ARMH3: variants seen among roughly 807,000 people sequenced by gnomAD.
ARMH3 encodes armadillo-like helical domain-containing protein 3.
A neutral mutation model predicts 99.1 loss-of-function variants in ARMH3; 60 were observed. The observed-to-expected ratio is 0.61, with a 90% CI of 0.49 to 0.75. The LOEUF is 0.75. Ranked by LOEUF, ARMH3 falls within the 30% of genes least tolerant of loss-of-function variation. The pLI is 0.00. For synonymous variants in ARMH3, 285 were observed against 292.8 expected, an observed-to-expected ratio of 0.97 and a Z score of 0.27; for missense variants, 679 against 843.1, an observed-to-expected ratio of 0.81 and a Z score of 2.41.
At chr10:101,925,479 A>G (rs1467596975) in intron 23 of ARMH3, among the ~76,000 whole-genome samples, 1 of 152,266 alleles carries the variant, frequency 6.6e-6, no homozygotes, top group Non-Finnish European at 1.5e-5. Flanking sequence ...GCAGTAGTAC[A>G]CATGTTACTC....
chr10:101,850,041 G>A, intron 24 of ARMH3, 149 bp from the exon 25 acceptor site: 1 of 601,692 alleles, frequency 1.7e-6, no homozygotes, highest in Non-Finnish European at 2.9e-6. Context: ...AAACAGCCTG[G>A]CTACAGGGAG....
At chr10:101,848,724 T>C (rs1267697163) in intron 25 of ARMH3, among the ~76,000 whole-genome samples, 1 of 151,986 alleles carries the variant, frequency 6.6e-6, no homozygotes, top group Non-Finnish European at 1.5e-5. Flanking sequence ...CCGTGGTGAG[T>C]GTCTCAGAGC....
At chr10:102,035,291 G>C (rs927772450) in intron 2 of ARMH3, among the ~76,000 whole-genome samples, 10 of 152,314 alleles carry the variant, frequency 6.6e-5, no homozygotes, top group Middle Eastern at 3.4e-3. Flanking sequence ...CTTGAACCCG[G>C]GAGGTGGAGG....
At chr10:101,982,039 A>AAAAC (rs1846258015) in intron 19 of ARMH3, among the ~76,000 whole-genome samples, 2 of 150,720 alleles carry the variant, frequency 1.3e-5, no homozygotes, top group Non-Finnish European at 3.0e-5. Flanking sequence ...AAAAAAAAAA[A>AAAAC]AAAAACAAAG....
chr10:101,964,078 G>A (rs916758137), intron 20 of ARMH3, among the ~76,000 whole-genome samples: 10 of 152,018 alleles, frequency 6.6e-5, no homozygotes, highest in South Asian at 2.1e-4. Flanking sequence ...GGGTTTCACC[G>A]TGTTAGCCAG....
rs370553940 is a variant in ARMH3 at position 102,006,487 on chromosome 10, T to A, written c.1048+53A>T. 419 of 1,560,154 alleles carry A rather than the reference T, an allele frequency of 2.7e-4. 1 individual carries two copies. The highest frequency in any genetic ancestry group is 4.3e-4 in the Admixed American group (26 of 59,794). On this transcript the variant is annotated intron_variant, in intron 14 of 25. Transcript: ENST00000370033. ...TTGTTGAACACAGCTATGCTCACTC[T>A]GAGAGATCTAAGATCATATTAACCA...
chr10:102,041,090 A>AATATATATATATATATATAATATATATAT (rs2067405279), intron 1 of ARMH3, among the ~76,000 whole-genome samples: 6 of 132,628 alleles, frequency 4.5e-5, no homozygotes, highest in Non-Finnish European at 6.5e-5. Flanking sequence ...ATATATATAT[A>AATATATATATATATATATAATATATATAT]ATATATATAT....
At chr10:101,958,314 G>A (rs149047318) in intron 20 of ARMH3, among the ~76,000 whole-genome samples, 102 of 152,230 alleles carry the variant, frequency 6.7e-4, no homozygotes, top group African/African-American at 2.2e-3. Flanking sequence ...CTGACCTCTC[G>A]TTACAGTGAC....
intron 2 of ARMH3, among the ~76,000 whole-genome samples, chr10:102,036,119 G>A (rs1186293443): frequency 6.7e-6 from 1 of 149,292 alleles, no homozygotes; most frequent in Non-Finnish European, 1.5e-5. Flanking sequence ...GGGAGGTGGG[G>A]GGCAGCCCCC....
intron 14 of ARMH3, among the ~76,000 whole-genome samples, chr10:102,003,693 C>T (rs2066419952): frequency 6.6e-6 from 1 of 152,074 alleles, no homozygotes. Flanking sequence ...ATAACAGATC[C>T]CTCTGGAGTT....
intron 24 of ARMH3, among the ~76,000 whole-genome samples, chr10:101,878,161 G>A (rs185142866): frequency 2.6e-5 from 4 of 152,246 alleles, no homozygotes; most frequent in South Asian, 4.1e-4. Flanking sequence ...GGGAGGTTAC[G>A]ATAGGAGAAT....
At chr10:101,991,687 C>G (rs1282313874) in intron 18 of ARMH3, among the ~76,000 whole-genome samples, 1 of 152,148 alleles carries the variant, frequency 6.6e-6, no homozygotes, top group African/African-American at 2.4e-5. Context: ...AGCCTGAAAT[C>G]TTGATCATGT....
At chr10:101,996,114 C>T (rs1185735707) in intron 15 of ARMH3, among the ~76,000 whole-genome samples, 1 of 152,196 alleles carries the variant, frequency 6.6e-6, no homozygotes. Flanking sequence ...TCCATTACTG[C>T]CAAGTACGAG....
chr10:101,921,372 A>G (rs2135599110), intron 23 of ARMH3, among the ~76,000 whole-genome samples: 1 of 152,316 alleles, frequency 6.6e-6, no homozygotes, highest in South Asian at 2.1e-4. Flanking sequence ...AAGAAGGGTC[A>G]TGAGGGAACT....
chr10:102,020,546 C>T (rs1221754870), intron 8 of ARMH3, among the ~76,000 whole-genome samples: 1 of 151,808 alleles, frequency 6.6e-6, no homozygotes, highest in Non-Finnish European at 1.5e-5. Flanking sequence ...ATTAGCCAGG[C>T]GTGGTGGCGG....
At chr10:101,855,169 G>A in intron 24 of ARMH3, among the ~76,000 whole-genome samples, 1 of 95,990 alleles carries the variant, frequency 1.0e-5, no homozygotes, top group African/African-American at 4.1e-5. Flanking sequence ...CTGGGTTCAA[G>A]TGATTCTCCT....
At chr10:101,870,054 T>C (rs1009509855) in intron 24 of ARMH3, among the ~76,000 whole-genome samples, 9 of 151,984 alleles carry the variant, frequency 5.9e-5, no homozygotes, top group African/African-American at 1.9e-4. Context: ...AAAAGAAAAA[T>C]AACAGAAAAC....
At chr10:101,976,061 G>C (rs1845987159) in intron 19 of ARMH3, among the ~76,000 whole-genome samples, 1 of 148,768 alleles carries the variant, frequency 6.7e-6, no homozygotes, top group East Asian at 2.0e-4. Flanking sequence ...GGAGGGCAGG[G>C]GGGTGGCTGA....
At chr10:102,040,410 A>G (rs1038888461) in intron 1 of ARMH3, among the ~76,000 whole-genome samples, 3 of 152,174 alleles carry the variant, frequency 2.0e-5, no homozygotes, top group Admixed American at 2.0e-4. Flanking sequence ...TTTGCTGTGA[A>G]CCTAAAAACA....
Sources: allele counts gnomAD v4.1 joint callset (sites outside exome capture counted in the v4.1 genomes callset), GRCh38; gene constraint gnomAD v4.1.1; transcripts MANE v1.5; gene names NCBI Gene and HGNC (gene_info 2026-07-23, HGNC 2026-07-21).